The following NDRG2 variants were observed in gnomAD, a reference collection of about 807,000 sequenced individuals.
NDRG2 encodes the protein NDRG family member 2.
Under a neutral mutation model 58.2 loss-of-function variants are expected in NDRG2, and 34 were observed. The ratio of observed to expected loss-of-function variants is 0.58; its 90% CI spans 0.44 to 0.78. The LOEUF (loss-of-function observed/expected upper bound fraction) is 0.78, where lower values mean the gene tolerates loss of function less well. Ranked by LOEUF, NDRG2 falls within the 30% of genes least tolerant of loss-of-function variation. The probability of loss-of-function intolerance (pLI) is 0.00; values close to 1 mark genes in which losing one functional copy is unlikely to be tolerated. For missense variants in NDRG2, 434 were observed against 471.2 expected (o/e 0.92, Z 0.73); for synonymous variants, 187 against 175.9 (o/e 1.06, Z -0.50).
chr14:21,024,492 T>A lies in NDRG2; in HGVS notation c.-469A>T. ...GCGGGGGAATAGGGGATCCCCAAAA[T>A]TTTTGACAGCTCTCCAGTAAGAGGA... On this transcript the variant is annotated 5_prime_UTR_variant, in exon 1 of 16. Coordinates refer to ENST00000556147, the MANE Select transcript of NDRG2 (RefSeq NM_001320329.2). 1.0e-6 allele frequency: 1 copy of A among 984,202 alleles called. No individual in the cohort carries two copies. The highest frequency in any genetic ancestry group is 1.2e-6 in the Non-Finnish European group (1 of 828,852). The allele number at this position is 984,202 out of a possible 1,614,324, so 61.0% of individuals were successfully genotyped here. A position where few individuals can be genotyped will look rare whatever the true frequency, so the allele number is the denominator to read the frequency against.
intron 1 of NDRG2, among the ~76,000 whole-genome samples, chr14:21,048,753 T>C (rs1885326325): frequency 6.6e-6 from 1 of 152,168 alleles, no homozygotes. Context: ...TGTTGAGTGG[T>C]CAAACCTGTG....
chr14:21,052,027 C>G (rs1310184899), intron 1 of NDRG2, among the ~76,000 whole-genome samples: 1 of 152,204 alleles, frequency 6.6e-6, no homozygotes, highest in African/African-American at 2.4e-5. Flanking sequence ...CTCCTTCATA[C>G]TAGTAAGGTG....
intron 1 of NDRG2, chr14:21,033,009 A>C (rs1303768789): frequency 2.2e-6 from 1 of 454,716 alleles, no homozygotes; most frequent in Admixed American, 2.4e-5. Context: ...GGTCAGGGGC[A>C]GACTCTGGAG....
intron 1 of NDRG2, among the ~76,000 whole-genome samples, chr14:21,063,978 C>T (rs1360575307): frequency 2.0e-5 from 3 of 152,120 alleles, no homozygotes; most frequent in Admixed American, 1.3e-4. Context: ...TCACTGATGC[C>T]CTACCGCTTT....
chr14:21,033,055 G>A (rs2986237), intron 1 of NDRG2: 5 of 451,006 alleles, frequency 1.1e-5, no homozygotes, highest in South Asian at 3.1e-5. Flanking sequence ...GGAAGAGAAG[G>A]GAAGCAGGAA....
intron 1 of NDRG2, among the ~76,000 whole-genome samples, chr14:21,050,302 G>A (rs1326767406): frequency 5.9e-5 from 9 of 152,192 alleles, no homozygotes; most frequent in African/African-American, 1.4e-4. Flanking sequence ...GTCCCTGGCC[G>A]TGCCATTGGC....
Position 21,024,115 on chromosome 14 carries a change from G to T in NDRG2, c.-92C>A. 1 of 985,434 alleles carries T rather than the reference G, an allele frequency of 1.0e-6. No individual in the cohort carries two copies. The highest frequency in any genetic ancestry group is 1.2e-6 in the Non-Finnish European group (1 of 829,964). 61.0% of individuals were successfully genotyped at this position (985,434 alleles called of 1,614,324 possible). On this transcript the variant is annotated 5_prime_UTR_variant, in exon 1 of 16. An upstream open reading frame in the 5' UTR gains an earlier in-frame stop. Coordinates refer to ENST00000556147, the MANE Select transcript of NDRG2 (RefSeq NM_001320329.2). Reference sequence around the variant, plus strand: ...CTGGGGTCTGAGAAAACACAGCAACGAGGTGAATGACATGGGAGACAGACC... The same window carrying T: ...CTGGGGTCTGAGAAAACACAGCAACTAGGTGAATGACATGGGAGACAGACC...
rs563759728 is a variant in NDRG2, at chr14:21,041,105, C to T, written c.25-17784G>A. ...ATCTCTCAAGCTCAAGCAATCCTCC[C>T]TCCTCAGCCTCTGGAGTAGCTGGGA... On this transcript the variant is annotated intron_variant, in intron 1 of 14. Coordinates refer to the NDRG2 transcript ENST00000403829. 2.0e-5 allele frequency among the ~76,000 whole-genome samples: 3 copies of T among 152,208 alleles called. No homozygotes were observed. The East Asian group carries it at 5.8e-4, about 29-fold the overall frequency.
At position 21,070,657 on chromosome 14, in the gene NDRG2, T is replaced by C. The variant is rs1340698227; in HGVS notation, c.24+171A>G. The stretch of plus-strand genomic sequence containing the variant: ...CCCATCCTCCCTTGGGTCTCTCCCC[T>C]AATCCACACACCTCCCCGCTCCCCG... On this transcript the variant is annotated intron_variant, in intron 1 of 14. Coordinates refer to the NDRG2 transcript ENST00000403829. This position sits in a 1 kb window ranked among gnomAD's most constrained non-coding sequence, Gnocchi z 4.7. Among the ~76,000 whole-genome samples the C allele has an allele frequency of 6.6e-6, 1 of 151,822 alleles. No individual in the cohort carries two copies. Among genetic ancestry groups the C allele is most frequent in the African/African-American group, 2.4e-5 (1 of 41,346 alleles).
chr14:21,038,722 C>A (rs1233268666), intron 1 of NDRG2, among the ~76,000 whole-genome samples: 1 of 152,192 alleles, frequency 6.6e-6, no homozygotes, highest in Non-Finnish European at 1.5e-5. Flanking sequence ...ATACTTTGCT[C>A]TGTAGATAAA....
intron 1 of NDRG2, among the ~76,000 whole-genome samples, chr14:21,061,181 G>A (rs1471686203): frequency 3.3e-5 from 5 of 152,186 alleles, no homozygotes; most frequent in East Asian, 1.9e-4. Context: ...ATTCTCTGTT[G>A]AATGTTAATT....
At chr14:21,018,913 G>A in intron 11 of NDRG2, 99 bp from the exon 12 acceptor site, 4 of 1,487,774 alleles carry the variant, frequency 2.7e-6, no homozygotes, top group Middle Eastern at 1.7e-4. Flanking sequence ...GCTCCAAAGA[G>A]GAAAGACACT....
At chr14:21,035,929 C>A (rs1477617685) in intron 1 of NDRG2, 3 of 433,294 alleles carry the variant, frequency 6.9e-6, no homozygotes, top group Non-Finnish European at 1.4e-5. Context: ...GGAATTGAAT[C>A]CTGCCTCTGC....
rs115796355 is a variant in NDRG2, at chr14:21,070,509, C to T, written c.24+319G>A. The T allele has an allele frequency of 3.9e-4, 492 of 1,271,268 alleles. 2 individuals carry two copies. The African/African-American group carries it at 7.0e-3, about 18-fold the overall frequency. The allele number at this position is 1,271,268 out of a possible 1,614,324, so 78.7% of individuals were successfully genotyped here. ...CCGAGCCTGCCTCGGACTGTTCGGC[C>T]CCTCTGGGACTCTCCTCCCTCCCAT... is the stretch of plus-strand genomic sequence containing the variant. On this transcript the variant is annotated intron_variant, in intron 1 of 14. Coordinates refer to the NDRG2 transcript ENST00000403829. This position sits in a 1 kb window ranked among gnomAD's most constrained non-coding sequence, Gnocchi z 4.7.
chr14:21,046,943 A>C (rs919228824), intron 1 of NDRG2: 11 of 152,462 alleles, frequency 7.2e-5, no homozygotes, highest in African/African-American at 1.7e-4. Flanking sequence ...GAGGAGGAGA[A>C]GGAAGAGGAG....
intron 1 of NDRG2, chr14:21,031,867 G>A: frequency 6.2e-7 from 1 of 1,608,550 alleles, no homozygotes; most frequent in Non-Finnish European, 8.5e-7. Context: ...AAGGAAGAGA[G>A]CTCAAATCCA....
intron 1 of NDRG2, among the ~76,000 whole-genome samples, chr14:21,059,881 A>C (rs575956144): frequency 6.6e-6 from 1 of 152,322 alleles, no homozygotes; most frequent in East Asian, 1.9e-4. Flanking sequence ...ATAGATATTC[A>C]CAGAGAGAAA....
rs1268365975 is a variant in NDRG2 at position 21,021,039 on chromosome 14, C to T, written c.408-195G>A. The T allele has an allele frequency of 8.7e-6, 6 of 689,948 alleles. No homozygotes were observed. In the East Asian group the frequency reaches 1.4e-4, roughly 16 times the overall value. The allele number at this position is 689,948 out of a possible 1,614,324, so 42.7% of individuals were successfully genotyped here. On this transcript the variant is annotated intron_variant, in intron 6 of 15. Transcript: ENST00000556147. ...TTGGCACGGGTAGTCAGGGTAGATA[C>T]CTGAAGTCTATCCCCAGCTTTCTGC...
chr14:21,057,201 G>A (rs1885712272), intron 1 of NDRG2, among the ~76,000 whole-genome samples: 1 of 152,130 alleles, frequency 6.6e-6, no homozygotes, highest in Non-Finnish European at 1.5e-5. Context: ...TTGGGAGGCT[G>A]AGGTGGGTGG....
Sources: gnomAD v4.1 joint callset for allele counts (sites outside exome capture counted in the v4.1 genomes callset) on GRCh38, gnomAD v4.1.1 for gene constraint, Gnocchi (gnomAD v3.1) non-coding constraint, MANE v1.5 for transcripts, NCBI Gene and HGNC (gene_info 2026-07-23, HGNC 2026-07-21) for gene names.